Variants in TAF3 observed in about 807,000 individuals in gnomAD.
TAF3 encodes the protein TATA-box binding protein associated factor 3.
In TAF3, 7 loss-of-function variants were observed where a neutral mutation model predicts 80.6. That is an observed-to-expected ratio of 0.09 (90% CI 0.05 to 0.16). TAF3 has a LOEUF of 0.16. TAF3 is among the 10% of genes least tolerant of loss of function. The pLI is 1.00. For synonymous variants in TAF3, 444 were observed against 446.1 expected (o/e 1.00, Z 0.06); for missense variants, 921 against 1,140.2 (o/e 0.81, Z 2.77).
intron 2 of TAF3, among the ~76,000 whole-genome samples, chr10:7,928,579 G>A (rs1028686163): frequency 2.6e-5 from 4 of 152,142 alleles, no homozygotes; most frequent in African/African-American, 9.7e-5. Flanking sequence ...TCCTAGGTGG[G>A]CCAGTGAAGC....
intron 2 of TAF3, among the ~76,000 whole-genome samples, chr10:7,936,489 G>A (rs1371171318): frequency 6.6e-6 from 1 of 151,222 alleles, no homozygotes; most frequent in Non-Finnish European, 1.5e-5. Context: ...GGTAGGACCT[G>A]AGCTGCATCT....
At position 8,006,051 on chromosome 10, in the gene TAF3, C is replaced by T. The variant is rs116085466; in HGVS notation, c.2316-3027C>T. 8.4e-3 allele frequency among the ~76,000 whole-genome samples: 1,285 copies of T among 152,178 alleles called. 17 individuals are homozygous for T. Among genetic ancestry groups the T allele is most frequent in the African/African-American group, 0.028 (1,155 of 41,514 alleles). ...GGTCATTATGAAAAACAAACAAGGC[C>T]GGGCACCGTGGCTTACGCCTGTAAT... On this transcript the variant is annotated intron_variant, in intron 4 of 6. Coordinates refer to ENST00000344293, the MANE Select transcript of TAF3 (RefSeq NM_031923.4).
chr10:7,957,794 G>GCTCTCTCTCTCTCTCTCT (rs376837630), intron 2 of TAF3, among the ~76,000 whole-genome samples: 6 of 130,738 alleles, frequency 4.6e-5, no homozygotes, highest in African/African-American at 1.7e-4. Context: ...TCTCTAGCGC[G>GCTCTCTCTCTCTCTCTCT]CTCTCTCTCT....
rs1375782840 is a variant in TAF3 at position 7,868,359 on chromosome 10, C to G, written c.409+43799C>G. On this transcript the variant is annotated intron_variant, in intron 2 of 6. Coordinates refer to ENST00000344293, the MANE Select transcript of TAF3 (RefSeq NM_031923.4). ...AGGCAGTGTGACATAGTGTCAAGCTCTAGTAACCATTCAGGAGTGGAGGTG... is the reference window on the plus strand; with the variant it reads ...AGGCAGTGTGACATAGTGTCAAGCTGTAGTAACCATTCAGGAGTGGAGGTG... Among the ~76,000 whole-genome samples, 6 of 151,776 alleles carry G rather than the reference C, an allele frequency of 4.0e-5. No individual in the cohort carries two copies. In the South Asian group the frequency reaches 1.0e-3, roughly 26 times the overall value.
At chr10:7,904,247 C>T (rs1414960534) in intron 2 of TAF3, among the ~76,000 whole-genome samples, 4 of 152,136 alleles carry the variant, frequency 2.6e-5, no homozygotes, top group African/African-American at 9.7e-5. Context: ...ATGGTAGTGG[C>T]CCACACAGTA....
At chr10:7,989,460 T>C (rs968613052) in intron 4 of TAF3, among the ~76,000 whole-genome samples, 1 of 152,242 alleles carries the variant, frequency 6.6e-6, no homozygotes. Flanking sequence ...CTGTTTGCAT[T>C]ATTTATTTGT....
intron 4 of TAF3, among the ~76,000 whole-genome samples, chr10:7,978,107 A>G (rs1831691237): frequency 6.6e-6 from 1 of 152,224 alleles, no homozygotes; most frequent in South Asian, 2.1e-4. Context: ...AAAATACACA[A>G]GATAAAAATT....
intron 3 of TAF3, among the ~76,000 whole-genome samples, chr10:7,973,253 A>G (rs528955335): frequency 3.0e-4 from 46 of 152,356 alleles, no homozygotes; most frequent in Non-Finnish European, 5.1e-4. Context: ...CCAAACACAC[A>G]ACTCAATAAT....
chr10:7,889,892 G>A (rs1195874649), intron 2 of TAF3, among the ~76,000 whole-genome samples: 1 of 152,110 alleles, frequency 6.6e-6, no homozygotes, highest in Non-Finnish European at 1.5e-5. Context: ...CACAGGTCCT[G>A]TTCTCATTTG....
intron 2 of TAF3, among the ~76,000 whole-genome samples, chr10:7,861,507 T>C (rs925703788): frequency 5.9e-5 from 9 of 152,180 alleles, no homozygotes; most frequent in African/African-American, 2.2e-4. Flanking sequence ...AGGTTCATCT[T>C]GTATATGTCA....
intron 2 of TAF3, among the ~76,000 whole-genome samples, chr10:7,909,171 A>G (rs532523226): frequency 4.1e-4 from 62 of 152,318 alleles, no homozygotes; most frequent in Middle Eastern, 3.4e-3. Flanking sequence ...ATCAGCCTCA[A>G]CTGGAGCTTG....
At chr10:7,957,630 AT>A (rs1194086915) in intron 2 of TAF3, among the ~76,000 whole-genome samples, 2 of 151,684 alleles carry the variant, frequency 1.3e-5, no homozygotes, top group African/African-American at 4.8e-5. Context: ...AATTTTTTAA[AT>A]TTTTTTTTCA....
At chr10:7,861,269 G>A (rs1312784) in intron 2 of TAF3, among the ~76,000 whole-genome samples, 96,718 of 151,878 alleles carry the variant, frequency 0.64, 31,266 homozygotes, top group South Asian at 0.88. Context: ...GGCCCTGCAC[G>A]GCTAATTTTT....
At chr10:7,874,006 A>G (rs1440019001) in intron 2 of TAF3, among the ~76,000 whole-genome samples, 1 of 152,224 alleles carries the variant, frequency 6.6e-6, no homozygotes, top group East Asian at 1.9e-4. Context: ...CAAGGTCAAG[A>G]TAAGTTTTAT....
chr10:7,859,192 C>T lies in TAF3; in HGVS notation c.409+34632C>T, dbSNP rs1056023038. On this transcript the variant is annotated intron_variant, in intron 2 of 6. Coordinates refer to ENST00000344293, the MANE Select transcript of TAF3 (RefSeq NM_031923.4). ...AGGAGAATGGCGTGAACCCAGGAGGCGGATCTTGCAGTGAGCTGAGATCAT... is the reference window on the plus strand; with the variant it reads ...AGGAGAATGGCGTGAACCCAGGAGGTGGATCTTGCAGTGAGCTGAGATCAT... Among the ~76,000 whole-genome samples, 12 of 151,838 alleles carry T rather than the reference C, an allele frequency of 7.9e-5. No individual in the cohort carries two copies. The East Asian group carries it at 1.4e-3, about 17-fold the overall frequency.
Position 7,818,690 on chromosome 10 carries a change from G to T in TAF3, c.-20G>T. The T allele has an allele frequency of 6.2e-7, 1 of 1,601,008 alleles. No individual in the cohort carries two copies. Among genetic ancestry groups the T allele is most frequent in the Non-Finnish European group, 8.5e-7 (1 of 1,175,284 alleles). On this transcript the variant is annotated 5_prime_UTR_variant, in exon 1 of 7. Transcript: ENST00000344293. ...GGAGAGCAGTGGCAGCAAGGGCTGC[G>T]GTGGCGTCCACGCAGCGGGATGTGC...
At chr10:7,855,953 A>G (rs1022595273) in intron 2 of TAF3, among the ~76,000 whole-genome samples, 7 of 151,750 alleles carry the variant, frequency 4.6e-5, no homozygotes, top group African/African-American at 1.7e-4. Context: ...AAAAAAAAAT[A>G]AGCGTAATAG....
chr10:7,879,483 C>A (rs2131152971), intron 2 of TAF3, among the ~76,000 whole-genome samples: 1 of 152,212 alleles, frequency 6.6e-6, no homozygotes, highest in South Asian at 2.1e-4. Context: ...TTAAAAGGAA[C>A]AACAGTGAAC....
chr10:7,821,024 C>T (rs1836685108), intron 1 of TAF3, among the ~76,000 whole-genome samples: 3 of 152,190 alleles, frequency 2.0e-5, no homozygotes, highest in Non-Finnish European at 4.4e-5. Flanking sequence ...CTCCTGAATA[C>T]ATAGTTACCT....
Sources: allele counts gnomAD v4.1 joint callset (sites outside exome capture counted in the v4.1 genomes callset), GRCh38; gene constraint gnomAD v4.1.1; transcripts MANE v1.5; gene names NCBI Gene and HGNC (gene_info 2026-07-23, HGNC 2026-07-21).